The following COPA variants were observed in gnomAD, a reference collection of about 807,000 sequenced individuals.
COPA encodes coat protein complex I subunit alpha.
A neutral mutation model predicts 158.7 loss-of-function variants in COPA; 10 were observed. That is an observed-to-expected ratio of 0.06 (90% confidence interval 0.04 to 0.11). The LOEUF is 0.11. COPA is among the 10% of genes least tolerant of loss of function. COPA has a pLI of 1.00. For synonymous variants in COPA, 462 were observed against 542.8 expected (o/e 0.85, Z 2.07); for missense variants, 1,065 against 1,536.7 (o/e 0.69, Z 5.13).
At chr1:160,297,027 C>T (rs1436664232) in intron 21 of COPA, among the ~76,000 whole-genome samples, 1 of 152,108 alleles carries the variant, frequency 6.6e-6, no homozygotes, top group East Asian at 1.9e-4. Context: ...AACCTCCAAA[C>T]TGAAAATAAA....
chr1:160,292,341 A>T, intron 28 of COPA, 143 bp from the exon 29 acceptor site: 1 of 1,565,966 alleles, frequency 6.4e-7, no homozygotes, highest in East Asian at 2.2e-5. Flanking sequence ...GGTGTAAACC[A>T]ACCCCATAGA....
chr1:160,299,626 T>A (rs974010463), intron 17 of COPA, among the ~76,000 whole-genome samples: 31 of 152,130 alleles, frequency 2.0e-4, no homozygotes, highest in African/African-American at 7.2e-4. Context: ...AGAGTTCTGA[T>A]AAAGAAATAA....
Position 160,323,476 on chromosome 1 carries a change from C to T in COPA, c.661G>A (p.Val221Ile). Residue 221 changes from valine to isoleucine, a missense_variant, in exon 8 of 33, where the codon GTA becomes ATA. By Grantham distance (29) the Val-to-Ile change is conservative. Around this residue, in one of 2 missense-constraint regions of COPA, gnomAD observed 980 missense variants for 1,357.8 expected, o/e 0.72. Transcript: ENST00000241704. ...AAFHPTMPLI[V>I]SGADDRQVKI... The stretch of plus-strand genomic sequence containing the variant: ...ACTTGACGATCATCTGCCCCAGATA[C>T]AATAAGGGGCATAGTGGGGTGGAAG... The T allele has an allele frequency of 1.2e-6, 2 of 1,610,948 alleles. No individual in the cohort carries two copies. Among genetic ancestry groups the T allele is most frequent in the Non-Finnish European group, 1.7e-6 (2 of 1,178,108 alleles).
chr1:160,295,001 T>G, intron 23 of COPA, 144 bp from the exon 24 acceptor site: 1 of 658,210 alleles, frequency 1.5e-6, no homozygotes, highest in Non-Finnish European at 2.6e-6. Context: ...TTATTTATTT[T>G]TGTGGTATAT....
chr1:160,320,792 T>TAAAAAAA (rs143294298), intron 8 of COPA, among the ~76,000 whole-genome samples: 3 of 89,200 alleles, frequency 3.4e-5, no homozygotes, highest in South Asian at 4.5e-4. Context: ...TTCAAACTCT[T>TAAAAAAA]AAAAAAAAAA....
chr1:160,325,788 C>A (rs1659473104), intron 6 of COPA, 136 bp from the exon 7 acceptor site: 1 of 670,718 alleles, frequency 1.5e-6, no homozygotes, highest in African/African-American at 1.8e-5. Context: ...AAAAGAGACT[C>A]AAGAATTCCT....
chr1:160,335,077 C>T (rs1274097638), intron 4 of COPA, among the ~76,000 whole-genome samples, 165 bp downstream of exon 4: 1 of 152,064 alleles, frequency 6.6e-6, no homozygotes, highest in Non-Finnish European at 1.5e-5. Context: ...CAAGTGCTTC[C>T]TTTTGCAGAA....
chr1:160,291,410 G>C lies in COPA; in HGVS notation c.3345C>G (p.Leu1115=). The C allele has an allele frequency of 6.2e-7, 1 of 1,614,112 alleles. No individual in the cohort carries two copies. The highest frequency in any genetic ancestry group is 1.3e-5 in the African/African-American group (1 of 75,018). The stretch of plus-strand genomic sequence containing the variant: ...AGGTGGCAGCTGTCTTGAAGTTCTT[G>C]AGCTTGAAGAACAGATTGAGGGCTG... ...LRTALNLFFK[L]KNFKTAATFA... is the part of the protein sequence containing the mutation. Residue 1115 remains leucine, a synonymous_variant, in exon 31 of 33, where the codon CTC becomes CTG. Transcript: ENST00000241704.
Position 160,333,236 on chromosome 1 carries a change from T to C in COPA, c.386+367A>G, listed in dbSNP as rs191992395. 3.3e-5 allele frequency among the ~76,000 whole-genome samples: 5 copies of C among 152,326 alleles called. No individual in the cohort carries two copies. In the East Asian group the frequency reaches 9.7e-4, roughly 29 times the overall value. ...ATGGCGCCGGGCCAAGGCCATCACT[T>C]TAAATGGTCCCTAACTCTTCATGGA... On this transcript the variant is annotated intron_variant, in intron 5 of 32. Transcript: ENST00000241704.
At chr1:160,307,116 T>C (rs1053525752) in intron 14 of COPA, 47 bp downstream of exon 14, 1 of 1,580,716 alleles carries the variant, frequency 6.3e-7, no homozygotes, top group Non-Finnish European at 8.7e-7. Flanking sequence ...CACAGGCCAC[T>C]GCCACCACAC....
intron 7 of COPA, among the ~76,000 whole-genome samples, chr1:160,324,638 T>C (rs943588102): frequency 2.6e-5 from 4 of 152,076 alleles, no homozygotes; most frequent in South Asian, 2.1e-4. Context: ...AAGTATACAA[T>C]AGAGTTTCCC....
chr1:160,341,691 C>G (rs943338832), intron 1 of COPA, among the ~76,000 whole-genome samples: 1 of 152,134 alleles, frequency 6.6e-6, no homozygotes, highest in Non-Finnish European at 1.5e-5. Context: ...GACCCTCCCC[C>G]CAAAAAAGTA....
At chr1:160,313,763 G>A (rs1052248972) in intron 9 of COPA, among the ~76,000 whole-genome samples, 3 of 152,146 alleles carry the variant, frequency 2.0e-5, no homozygotes, top group Admixed American at 2.0e-4. Context: ...AAAGGGGGAA[G>A]AAGAAAACAT....
At chr1:160,296,032 A>T (rs1237864430) in intron 22 of COPA, 29 bp downstream of exon 22, 1 of 1,603,678 alleles carries the variant, frequency 6.2e-7, no homozygotes, top group African/African-American at 1.3e-5. Context: ...ATCCTGTAAT[A>T]AGAGACAATT....
intron 8 of COPA, chr1:160,317,440 G>A (rs560618242): frequency 5.2e-5 from 83 of 1,608,872 alleles, no homozygotes; most frequent in Non-Finnish European, 7.0e-5. Context: ...TGAGGACTTG[G>A]GGGATAAGAA....
rs576934453 is a variant in COPA, at chr1:160,292,673, C to G, written c.2824-53G>C. 5,644 of 1,470,484 alleles carry G rather than the reference C, an allele frequency of 3.8e-3. 11 individuals carry two copies. The highest frequency in any genetic ancestry group is 4.4e-3 in the Non-Finnish European group (4,789 of 1,081,102). The allele number at this position is 1,470,484 out of a possible 1,614,324, so 91.1% of individuals were successfully genotyped here. A position where few individuals can be genotyped will look rare whatever the true frequency, so the allele number is the denominator to read the frequency against. ...TTTGGCCCTGCTGCATAAAAAGCTA[C>G]TTTTCCTTGGGCAAGGTAATTAATT... On this transcript the variant is annotated intron_variant, in intron 27 of 32. Transcript: ENST00000241704.
chr1:160,303,409 C>T (rs1287639634), intron 17 of COPA, among the ~76,000 whole-genome samples: 2 of 152,148 alleles, frequency 1.3e-5, no homozygotes, highest in Non-Finnish European at 2.9e-5. Flanking sequence ...TTATGTATAA[C>T]AAAGACGAGA....
At chr1:160,291,561 C>G (rs926021861) in intron 30 of COPA, 65 bp from the exon 31 acceptor site, 9 of 1,559,384 alleles carry the variant, frequency 5.8e-6, no homozygotes, top group Non-Finnish European at 7.9e-6. Flanking sequence ...CATTTCTAAG[C>G]TGCTACACAT....
rs1314783058 is a variant in COPA at position 160,311,940 on chromosome 1, T to C, written c.1004A>G (p.Tyr335Cys). The C allele has an allele frequency of 3.7e-6, 6 of 1,614,090 alleles. No individual in the cohort carries two copies. Among genetic ancestry groups the C allele is most frequent in the Non-Finnish European group, 5.1e-6 (6 of 1,180,010 alleles). Residue 335 changes from tyrosine to cysteine, a missense_variant, in exon 11 of 33, where the codon TAT (tyrosine) becomes TGT (cysteine). This residue lies in a region of COPA where 980 missense variants were observed against 1,357.8 expected (regional missense o/e 0.72). Coordinates refer to ENST00000241704, the MANE Select transcript of COPA (RefSeq NM_004371.4). Reference sequence around the variant, plus strand: ...CTGTCGTAAGAATCGGTCCTTGACATAGTGTAGCATATTGCCATGAACAGC... The same window carrying C: ...CTGTCGTAAGAATCGGTCCTTGACACAGTGTAGCATATTGCCATGAACAGC... Reference protein sequence around the residue: ...AYAVHGNMLHYVKDRFLRQLD... With the variant: ...AYAVHGNMLHCVKDRFLRQLD...
Sources: allele counts gnomAD v4.1 joint callset (sites outside exome capture counted in the v4.1 genomes callset), GRCh38; gene constraint gnomAD v4.1.1; regional missense constraint gnomAD v4.1.1; transcripts MANE v1.5; gene names NCBI Gene and HGNC (gene_info 2026-07-23, HGNC 2026-07-21).